Variants in GRIN2A observed in about 807,000 individuals in gnomAD.
GRIN2A encodes glutamate ionotropic receptor NMDA type subunit 2A.
GRIN2A carries 22 observed loss-of-function variants against 113.4 expected under a neutral mutation model. That is an observed-to-expected ratio of 0.19 (90% CI 0.14 to 0.28). GRIN2A has a LOEUF of 0.28. Among genes scored for constraint, GRIN2A ranks in the 10% least tolerant of loss-of-function variants. GRIN2A has a pLI of 1.00. For missense variants in GRIN2A, 1,502 were observed against 1,887.0 expected (o/e 0.80, Z 3.78); for synonymous variants, 827 against 738.4 (o/e 1.12, Z -1.94).
chr16:10,087,391 C>A (rs11649454), intron 2 of GRIN2A, among the ~76,000 whole-genome samples: 2 of 152,088 alleles, frequency 1.3e-5, no homozygotes, highest in African/African-American at 4.8e-5. Flanking sequence ...AGTGCCACTT[C>A]CAGGAGAATC....
At chr16:9,842,931 GAGAA>G (rs2042705113) in intron 5 of GRIN2A, among the ~76,000 whole-genome samples, 1 of 144,636 alleles carries the variant, frequency 6.9e-6, no homozygotes, top group African/African-American at 2.7e-5. Context: ...ACTCTGTCGA[GAGAA>G]AGAGAGAAAG....
chr16:9,783,249 C>T (rs768791537), intron 11 of GRIN2A, among the ~76,000 whole-genome samples: 14 of 152,112 alleles, frequency 9.2e-5, no homozygotes, highest in Non-Finnish European at 1.9e-4. Flanking sequence ...GCACTTTCCC[C>T]GTGGTTTCAC....
intron 4 of GRIN2A, among the ~76,000 whole-genome samples, chr16:9,882,903 C>A (rs1379524972): frequency 6.6e-6 from 1 of 152,204 alleles, no homozygotes; most frequent in Non-Finnish European, 1.5e-5. Flanking sequence ...GAAGCAGACA[C>A]CTTTCTAAGG....
chr16:10,034,437 AGTGCTT>A (rs1774466032), intron 2 of GRIN2A, among the ~76,000 whole-genome samples: 1 of 149,300 alleles, frequency 6.7e-6, no homozygotes, highest in African/African-American at 2.5e-5. Context: ...AGGCAGGAGA[AGTGCTT>A]GAACCCAGGA....
At chr16:10,002,934 G>T (rs997601693) in intron 2 of GRIN2A, among the ~76,000 whole-genome samples, 1 of 152,150 alleles carries the variant, frequency 6.6e-6, no homozygotes, top group Non-Finnish European at 1.5e-5. Context: ...AAACCATAAG[G>T]CCTTTTATTC....
rs555717044 is a variant in GRIN2A, at chr16:9,986,966, G to A, written c.415-48415C>T. Among the ~76,000 whole-genome samples the A allele has an allele frequency of 2.0e-3, 299 of 152,054 alleles. 2 individuals are homozygous for A. The highest frequency in any genetic ancestry group is 4.2e-3 in the Admixed American group (64 of 15,256). On this transcript the variant is annotated intron_variant, in intron 2 of 12. Transcript: ENST00000330684. ...TGAGCTTTTCAGTGTGCATATACCC[G>A]AGTTTCCTTCCAGCACCACTGAATC...
chr16:9,916,904 G>C lies in GRIN2A; in HGVS notation c.1007+21055C>G, dbSNP rs1039883759. ...TCCTTTTGGCAGCTACTGCTCCATG[G>C]TGTCTCTTGGCCTTCAAACACCCAA... On this transcript the variant is annotated intron_variant, in intron 3 of 12. Transcript: ENST00000330684. 2.6e-5 allele frequency among the ~76,000 whole-genome samples: 4 copies of C among 152,178 alleles called. No individual in the cohort carries two copies. In the South Asian group the frequency reaches 8.3e-4, roughly 32 times the overall value.
intron 2 of GRIN2A, among the ~76,000 whole-genome samples, chr16:9,972,202 A>G (rs1250507620): frequency 6.6e-6 from 1 of 152,248 alleles, no homozygotes; most frequent in African/African-American, 2.4e-5. Context: ...CTGAGAACTA[A>G]GCCTCCACCT....
At chr16:9,984,883 T>C (rs2045952657) in intron 2 of GRIN2A, among the ~76,000 whole-genome samples, 1 of 152,162 alleles carries the variant, frequency 6.6e-6, no homozygotes, top group African/African-American at 2.4e-5. Context: ...GAGGAGTGGG[T>C]TCAAAGATAT....
intron 2 of GRIN2A, among the ~76,000 whole-genome samples, chr16:10,094,655 G>A (rs1277320328): frequency 1.3e-5 from 2 of 151,952 alleles, no homozygotes; most frequent in Non-Finnish European, 2.9e-5. Flanking sequence ...TCACCACGTT[G>A]GCCAGGCTGG....
intron 3 of GRIN2A, among the ~76,000 whole-genome samples, chr16:9,911,804 G>T (rs550874323): frequency 2.1e-4 from 32 of 152,238 alleles, no homozygotes; most frequent in Admixed American, 1.6e-3. Context: ...GAGTATAAAG[G>T]TTGAGTGAAC....
At chr16:9,866,859 C>A (rs1267604214) in intron 4 of GRIN2A, among the ~76,000 whole-genome samples, 2 of 151,974 alleles carry the variant, frequency 1.3e-5, no homozygotes, top group African/African-American at 2.4e-5. Context: ...AAATTTAGAA[C>A]CTCCAGTCCA....
intron 2 of GRIN2A, among the ~76,000 whole-genome samples, chr16:10,056,891 C>T (rs765468142): frequency 3.3e-5 from 5 of 152,106 alleles, no homozygotes; most frequent in Non-Finnish European, 7.4e-5. Flanking sequence ...TTTTGAGCCA[C>T]GAAGTTTGCA....
At chr16:9,797,756 G>T (rs1903090984) in intron 11 of GRIN2A, among the ~76,000 whole-genome samples, 1 of 152,186 alleles carries the variant, frequency 6.6e-6, no homozygotes, top group Admixed American at 6.5e-5. Flanking sequence ...CAACATGTGA[G>T]GTTGGATAAT....
intron 2 of GRIN2A, among the ~76,000 whole-genome samples, chr16:10,090,275 A>G (rs2048162157): frequency 6.6e-6 from 1 of 152,196 alleles, no homozygotes; most frequent in Admixed American, 6.5e-5. Flanking sequence ...AAGGACTTAC[A>G]TTACCCTCAT....
At chr16:9,975,985 A>G (rs1040585518) in intron 2 of GRIN2A, among the ~76,000 whole-genome samples, 5 of 152,238 alleles carry the variant, frequency 3.3e-5, no homozygotes, top group African/African-American at 1.2e-4. Context: ...TATGAACTTA[A>G]TAACAGAACC....
chr16:9,857,513 C>G (rs2042989865), intron 4 of GRIN2A, among the ~76,000 whole-genome samples: 1 of 152,158 alleles, frequency 6.6e-6, no homozygotes, highest in Non-Finnish European at 1.5e-5. Flanking sequence ...CAAATATGTT[C>G]TCAGACACAG....
chr16:9,987,257 T>G (rs898169232), intron 2 of GRIN2A, among the ~76,000 whole-genome samples: 1 of 152,266 alleles, frequency 6.6e-6, no homozygotes, highest in African/African-American at 2.4e-5. Context: ...TTTTAGGCAT[T>G]AGGCCAATAC....
intron 2 of GRIN2A, among the ~76,000 whole-genome samples, chr16:10,139,233 G>A (rs562902533): frequency 6.6e-6 from 1 of 152,294 alleles, no homozygotes; most frequent in African/African-American, 2.4e-5. Context: ...CTCAGGCTGT[G>A]TGCAGAACAC....
Sources: allele counts gnomAD v4.1 joint callset (sites outside exome capture counted in the v4.1 genomes callset), GRCh38; gene constraint gnomAD v4.1.1; transcripts MANE v1.5; gene names NCBI Gene and HGNC (gene_info 2026-07-23, HGNC 2026-07-21).